The following COBLL1 variants were observed in gnomAD, a reference collection of about 807,000 sequenced individuals.
COBLL1 encodes cordon-bleu WH2 repeat protein like 1, also known as cordon-bleu protein-like 1.
In COBLL1, 50 loss-of-function variants were observed where a neutral mutation model predicts 94.8. The observed-to-expected ratio is 0.53, with a 90% confidence interval of 0.42 to 0.67. The LOEUF (loss-of-function observed/expected upper bound fraction) is 0.67, where lower values mean the gene tolerates loss of function less well. Ranked by LOEUF, COBLL1 falls within the 30% of genes least tolerant of loss-of-function variation. The probability of loss-of-function intolerance (pLI) is 0.00; values close to 1 mark genes in which losing one functional copy is unlikely to be tolerated. For synonymous variants in COBLL1, 448 were observed against 473.8 expected, an observed-to-expected ratio of 0.95 and a Z score of 0.71; for missense variants, 1,362 against 1,348.7, an observed-to-expected ratio of 1.01 and a Z score of -0.15.
intron 2 of COBLL1, among the ~76,000 whole-genome samples, chr2:164,748,110 A>G (rs1239763841): frequency 6.6e-6 from 1 of 152,162 alleles, no homozygotes; most frequent in Non-Finnish European, 1.5e-5. Context: ...TAGAATTTTG[A>G]TAAGCAGAGC....
intron 3 of COBLL1, among the ~76,000 whole-genome samples, chr2:164,733,261 T>G (rs1173856917): frequency 6.6e-6 from 1 of 152,204 alleles, no homozygotes; most frequent in African/African-American, 2.4e-5. Flanking sequence ...TTTTCTAATC[T>G]AATAAATAGT....
At chr2:164,686,159 T>C (rs1456536894) in intron 13 of COBLL1, 127 bp from the exon 14 acceptor site, 4 of 499,512 alleles carry the variant, frequency 8.0e-6, no homozygotes, top group Admixed American at 7.9e-5. Flanking sequence ...TATTATTCAA[T>C]AAATTATAAT....
chr2:164,818,547 GTGTACATATGTACACATATATAGCATATA>G (rs1559046413), intron 2 of COBLL1, among the ~76,000 whole-genome samples: 10 of 146,754 alleles, frequency 6.8e-5, no homozygotes, highest in Non-Finnish European at 1.2e-4. Flanking sequence ...TTACATATAT[GTGTACATATGTACACATATATAGCATATA>G]TGTACATATG....
intron 5 of COBLL1, among the ~76,000 whole-genome samples, chr2:164,727,490 A>T (rs1321567603): frequency 6.6e-6 from 1 of 152,074 alleles, no homozygotes; most frequent in Non-Finnish European, 1.5e-5. Context: ...GATACATTTC[A>T]TAAGCCAACT....
At position 164,788,992 on chromosome 2, in the gene COBLL1, C is replaced by T. The variant is rs150440484; in HGVS notation, c.42-45117G>A. ...TATGGTCATTCCAGTTAGTAACAAA[C>T]GAGATTACCTGTAGGAGTAGAGGTT... is the stretch of plus-strand genomic sequence containing the variant. On this transcript the variant is annotated intron_variant, in intron 2 of 13. Coordinates refer to ENST00000652658, the MANE Select transcript of COBLL1 (RefSeq NM_001365672.2). Among the ~76,000 whole-genome samples, 798 of 147,060 alleles carry T rather than the reference C, an allele frequency of 5.4e-3. 8 individuals are homozygous for T. The highest frequency in any genetic ancestry group is 0.019 in the African/African-American group (760 of 40,894).
At chr2:164,666,159 A>T (rs1015731893) in intron 1 of COBLL1, among the ~76,000 whole-genome samples, 1 of 152,194 alleles carries the variant, frequency 6.6e-6, no homozygotes, top group African/African-American at 2.4e-5. Flanking sequence ...TAAAACTCTA[A>T]ACATGAAGTA....
intron 11 of COBLL1, among the ~76,000 whole-genome samples, chr2:164,699,006 G>C (rs988400999): frequency 4.6e-5 from 7 of 151,920 alleles, no homozygotes; most frequent in African/African-American, 1.7e-4. Flanking sequence ...ATCCAAGGAA[G>C]TTAGATGGAA....
chr2:164,803,304 G>A (rs567602197), intron 2 of COBLL1, among the ~76,000 whole-genome samples: 29 of 152,208 alleles, frequency 1.9e-4, no homozygotes, highest in Admixed American at 1.8e-3. Flanking sequence ...GGTGGCTCAC[G>A]CCTGTAATCC....
intron 2 of COBLL1, among the ~76,000 whole-genome samples, chr2:164,763,803 C>T (rs183954402): frequency 2.0e-5 from 3 of 152,196 alleles, no homozygotes; most frequent in South Asian, 2.1e-4. Context: ...AAAATGATTA[C>T]GTGGGAGAAA....
At chr2:164,677,054 A>G (rs955169871), downstream of COBLL1, among the ~76,000 whole-genome samples, 6 of 152,106 alleles carry the variant, frequency 3.9e-5, no homozygotes, top group East Asian at 1.2e-3. Flanking sequence ...CAGGTAACCA[A>G]TCTCCTAAAT....
At chr2:164,679,962 A>C (rs1682964729), downstream of COBLL1, among the ~76,000 whole-genome samples, 1 of 151,466 alleles carries the variant, frequency 6.6e-6, no homozygotes, top group Non-Finnish European at 1.5e-5. Flanking sequence ...AATAATAATA[A>C]TACTGTGCTC....
rs544640288 is a variant in COBLL1 at position 164,744,528 on chromosome 2, A to G, written c.42-653T>C. ...TTATAACTCCCTGCAAAAAAGAAGC[A>G]TGAAGCATGCTAGCCAGATGTGGTG... On this transcript the variant is annotated intron_variant, in intron 2 of 13. Coordinates refer to ENST00000652658, the MANE Select transcript of COBLL1 (RefSeq NM_001365672.2). 2.0e-5 allele frequency among the ~76,000 whole-genome samples: 3 copies of G among 152,308 alleles called. No individual in the cohort carries two copies. The South Asian group carries it at 6.2e-4, about 32-fold the overall frequency.
At position 164,841,084 on chromosome 2, in the gene COBLL1, A is replaced by C; in HGVS notation, c.41+72T>G. ...GGCAGCGAGTTGCCAGCCAGGTGAA[A>C]CGGCCGAGGCCTCGCTGTCCTCGCC... is the stretch of plus-strand genomic sequence containing the variant. On this transcript the variant is annotated intron_variant, in intron 2 of 13. Transcript: ENST00000652658. This position sits in a 1 kb window ranked among gnomAD's most constrained non-coding sequence, Gnocchi z 5.5. The C allele has an allele frequency of 1.6e-6, 2 of 1,222,156 alleles. No homozygotes were observed. The highest frequency in any genetic ancestry group is 3.1e-4 in the Middle Eastern group (1 of 3,208). The allele number at this position is 1,222,156 out of a possible 1,614,324, so 75.7% of individuals were successfully genotyped here.
intron 2 of COBLL1, among the ~76,000 whole-genome samples, chr2:164,659,999 T>C (rs1203680650): frequency 1.6e-4 from 24 of 152,158 alleles, no homozygotes; most frequent in Admixed American, 1.5e-3. Context: ...GCTTGCAAAT[T>C]TGAGGTACTG....
chr2:164,761,727 A>T (rs921687132), intron 2 of COBLL1, among the ~76,000 whole-genome samples: 14 of 152,224 alleles, frequency 9.2e-5, no homozygotes, highest in Non-Finnish European at 1.6e-4. Flanking sequence ...GATATAATTC[A>T]TGAAAAGATC....
chr2:164,787,743 T>C (rs2105289722), intron 2 of COBLL1, among the ~76,000 whole-genome samples: 1 of 152,282 alleles, frequency 6.6e-6, no homozygotes, highest in South Asian at 2.1e-4. Context: ...TCAATTACTT[T>C]GCATCCTTGG....
intron 7 of COBLL1, among the ~76,000 whole-genome samples, chr2:164,707,066 C>A (rs1404576441): frequency 6.6e-6 from 1 of 152,102 alleles, no homozygotes; most frequent in East Asian, 1.9e-4. Context: ...GGGTGGTCAC[C>A]CTTACTGCTC....
intron 7 of COBLL1, among the ~76,000 whole-genome samples, chr2:164,708,150 A>T (rs1684702185): frequency 6.6e-6 from 1 of 152,162 alleles, no homozygotes; most frequent in South Asian, 2.1e-4. Context: ...TTTTACCAAC[A>T]GTTGAAATGT....
chr2:164,743,320 G>A (rs1028116017), intron 3 of COBLL1: 3 of 165,922 alleles, frequency 1.8e-5, no homozygotes, highest in African/African-American at 7.2e-5. Flanking sequence ...GAGAAGAAAA[G>A]GATAGGATTT....
Sources: gnomAD v4.1 joint callset for allele counts (sites outside exome capture counted in the v4.1 genomes callset) on GRCh38, gnomAD v4.1.1 for gene constraint, Gnocchi (gnomAD v3.1) non-coding constraint, MANE v1.5 for transcripts, NCBI Gene and HGNC (gene_info 2026-07-23, HGNC 2026-07-21) for gene names.